DIAPH3: variants seen among roughly 807,000 people sequenced by gnomAD.
DIAPH3 encodes the protein diaphanous related formin 3, also known as protein diaphanous homolog 3.
Under a neutral mutation model 144.3 loss-of-function variants are expected in DIAPH3, and 117 were observed. That is an observed-to-expected ratio of 0.81 (90% confidence interval 0.70 to 0.95). DIAPH3 has a LOEUF of 0.95. Ranked by LOEUF, DIAPH3 falls within the 40% of genes least tolerant of loss-of-function variation. The pLI is 0.00. For synonymous variants in DIAPH3, 519 were observed against 488.9 expected, an observed-to-expected ratio of 1.06 and a Z score of -0.81; for missense variants, 1,421 against 1,412.7, an observed-to-expected ratio of 1.01 and a Z score of -0.09.
At chr13:60,153,159 A>G (rs1951879159) in intron 1 of DIAPH3, among the ~76,000 whole-genome samples, 1 of 152,088 alleles carries the variant, frequency 6.6e-6, no homozygotes, top group Non-Finnish European at 1.5e-5. Context: ...TCATGACACA[A>G]TAGATTTTCA....
chr13:60,120,595 AAAAC>A (rs2138140193), intron 2 of DIAPH3, among the ~76,000 whole-genome samples: 2 of 152,364 alleles, frequency 1.3e-5, no homozygotes, highest in East Asian at 1.9e-4. Context: ...TATTAAATGA[AAAAC>A]AAATTTATGC....
At chr13:59,757,959 A>AC (rs2037373443) in intron 27 of DIAPH3, among the ~76,000 whole-genome samples, 1 of 152,218 alleles carries the variant, frequency 6.6e-6, no homozygotes, top group Admixed American at 6.5e-5. Flanking sequence ...GAAATAACAC[A>AC]CAGGACAGAC....
chr13:59,724,568 C>T (rs2035514537), intron 27 of DIAPH3, among the ~76,000 whole-genome samples: 1 of 152,168 alleles, frequency 6.6e-6, no homozygotes, highest in Admixed American at 6.5e-5. Flanking sequence ...GCTCTATTTC[C>T]TCTTTTTCCC....
chr13:59,963,888 A>G (rs2049909426), intron 17 of DIAPH3, among the ~76,000 whole-genome samples: 1 of 152,200 alleles, frequency 6.6e-6, no homozygotes, highest in South Asian at 2.1e-4. Context: ...TAAGATTACA[A>G]TAGTGCATTC....
At chr13:60,126,449 T>C (rs762101197) in intron 2 of DIAPH3, among the ~76,000 whole-genome samples, 4 of 152,184 alleles carry the variant, frequency 2.6e-5, no homozygotes, top group Non-Finnish European at 5.9e-5. Context: ...TGCACTTTAC[T>C]GCAAAGCTTC....
In DIAPH3 at chr13:59,924,867, C is replaced by G; in HGVS notation, c.2078G>C (p.Arg693Thr). The stretch of plus-strand genomic sequence containing the variant: ...CTCTTCAATATCTTCCTCTTCTCTT[C>G]TCTCTGTAAAACCAAGATAGATCCA... ...ENTFCCQQKE[R>T]REEEDIEEKK... Residue 693 changes from arginine (R) to threonine (T), a missense_variant, in exon 18 of 28, where the codon AGA (arginine) becomes ACA (threonine). Coordinates refer to ENST00000400324, the MANE Select transcript of DIAPH3 (RefSeq NM_001042517.2). The G allele has an allele frequency of 6.3e-7, 1 of 1,599,358 alleles. No homozygotes were observed. Among genetic ancestry groups the G allele is most frequent in the Non-Finnish European group, 8.5e-7 (1 of 1,169,896 alleles).
chr13:59,843,987 T>C (rs1406325895), intron 22 of DIAPH3, among the ~76,000 whole-genome samples: 1 of 151,600 alleles, frequency 6.6e-6, no homozygotes, highest in African/African-American at 2.4e-5. Flanking sequence ...TCAGGAAAAA[T>C]AGCTAATGCA....
At chr13:59,761,994 CCCCATAG>C (rs1027537640) in intron 27 of DIAPH3, among the ~76,000 whole-genome samples, 1 of 151,646 alleles carries the variant, frequency 6.6e-6, no homozygotes, top group Admixed American at 6.6e-5. Flanking sequence ...ACATAGTGTC[CCCCATAG>C]CCAAAGAAGA....
chr13:60,098,647 T>C (rs1485104129), intron 3 of DIAPH3, among the ~76,000 whole-genome samples: 1 of 151,828 alleles, frequency 6.6e-6, no homozygotes, highest in Non-Finnish European at 1.5e-5. Context: ...ATAGCTGACC[T>C]TAAAAAAAAA....
intron 1 of DIAPH3, among the ~76,000 whole-genome samples, chr13:60,138,444 G>A (rs1387124149): frequency 6.6e-6 from 1 of 152,080 alleles, no homozygotes; most frequent in African/African-American, 2.4e-5. Flanking sequence ...CCACATGAAG[G>A]GTATAGATAA....
At chr13:59,790,206 C>T (rs1200502287) in intron 25 of DIAPH3, among the ~76,000 whole-genome samples, 1 of 152,162 alleles carries the variant, frequency 6.6e-6, no homozygotes, top group Non-Finnish European at 1.5e-5. Context: ...TTGCTTAATA[C>T]TGAGGCAATA....
chr13:60,052,959 T>TAAAAAAAAAAAAAAAAAAAAA (rs559991017), intron 4 of DIAPH3, among the ~76,000 whole-genome samples: 43 of 40,628 alleles, frequency 1.1e-3, no homozygotes, highest in African/African-American at 1.3e-3. Context: ...GACTCCCTCT[T>TAAAAAAAAAAAAAAAAAAAAA]AAAAAAAAAA....
intron 22 of DIAPH3, among the ~76,000 whole-genome samples, chr13:59,853,703 T>C (rs1418623241): frequency 1.3e-5 from 2 of 152,158 alleles, no homozygotes; most frequent in African/African-American, 4.8e-5. Context: ...AACGGACTAA[T>C]ACAAAGGCAT....
intron 4 of DIAPH3, among the ~76,000 whole-genome samples, chr13:60,081,559 T>A (rs1458396581): frequency 1.3e-5 from 2 of 151,984 alleles, no homozygotes; most frequent in Non-Finnish European, 2.9e-5. Context: ...GAAAACTCCC[T>A]GATCTCCCAC....
At chr13:59,741,445 G>GT (rs2036441562) in intron 27 of DIAPH3, among the ~76,000 whole-genome samples, 1 of 152,086 alleles carries the variant, frequency 6.6e-6, no homozygotes, top group East Asian at 1.9e-4. Flanking sequence ...AGACAAAACT[G>GT]TAAGTATTGC....
intron 22 of DIAPH3, among the ~76,000 whole-genome samples, chr13:59,853,750 C>T (rs2139873201): frequency 6.6e-6 from 1 of 152,218 alleles, no homozygotes; most frequent in Admixed American, 6.5e-5. Flanking sequence ...AGTATTTTCA[C>T]ACAATGACAA....
chr13:60,163,572 C>T lies in DIAPH3; in HGVS notation c.180+15G>A, dbSNP rs773358792. On this transcript the variant is annotated intron_variant, in intron 1 of 27. Coordinates refer to ENST00000400324, the MANE Select transcript of DIAPH3 (RefSeq NM_001042517.2). ...GGGCGGGAGCGGCCCCACCCTAGCT[C>T]CAGGCGATACTCACAAACTTGGGGC... 1 of 1,576,266 alleles carries T rather than the reference C, an allele frequency of 6.3e-7. No homozygotes were observed. Among genetic ancestry groups the T allele is most frequent in the Admixed American group, 1.7e-5 (1 of 57,874 alleles).
intron 20 of DIAPH3, among the ~76,000 whole-genome samples, chr13:59,906,033 G>A (rs1292822779): frequency 2.0e-5 from 3 of 152,178 alleles, no homozygotes; most frequent in Non-Finnish European, 2.9e-5. Flanking sequence ...ATCAAAAAAT[G>A]AGTAACTTCC....
At chr13:60,096,585 T>C (rs941135190) in intron 3 of DIAPH3, among the ~76,000 whole-genome samples, 2 of 152,228 alleles carry the variant, frequency 1.3e-5, no homozygotes, top group Admixed American at 6.5e-5. Flanking sequence ...CTTGAATCAT[T>C]GGACTGTAAG....
Sources: gnomAD v4.1 joint callset for allele counts (sites outside exome capture counted in the v4.1 genomes callset) on GRCh38, gnomAD v4.1.1 for gene constraint, MANE v1.5 for transcripts, NCBI Gene and HGNC (gene_info 2026-07-23, HGNC 2026-07-21) for gene names.